Variants in IL1RAPL2 observed in about 807,000 individuals in gnomAD.
IL1RAPL2 encodes the protein X-linked interleukin-1 receptor accessory protein-like 2.
In IL1RAPL2, 3 loss-of-function variants were observed where a neutral mutation model predicts 44.1. The observed-to-expected ratio is 0.07, with a 90% confidence interval of 0.03 to 0.18. IL1RAPL2 has a LOEUF of 0.18. Ranked by LOEUF, IL1RAPL2 falls within the 10% of genes least tolerant of loss-of-function variation. The probability of loss-of-function intolerance (pLI) is 1.00; values close to 1 mark genes in which losing one functional copy is unlikely to be tolerated. For missense variants in IL1RAPL2, 391 were observed against 496.4 expected (o/e 0.79, Z 2.02); for synonymous variants, 181 against 178.8 (o/e 1.01, Z -0.10).
chrX:105,025,667 C>T (rs1398915949), intron 2 of IL1RAPL2, among the ~76,000 whole-genome samples: 1 of 111,228 alleles, frequency 9.0e-6, no homozygotes, highest in East Asian at 2.8e-4. Flanking sequence ...ATGAAAATAA[C>T]ATTGAAAAAC....
chrX:104,964,553 C>T (rs1033550193), intron 2 of IL1RAPL2, among the ~76,000 whole-genome samples: 3 of 109,959 alleles, frequency 2.7e-5, no homozygotes, highest in African/African-American at 9.9e-5. Flanking sequence ...CCTTGTGATC[C>T]ACCCGCCTCA....
intron 2 of IL1RAPL2, among the ~76,000 whole-genome samples, chrX:105,161,218 A>AAATAATAATAATAATAATAATAAT (rs34426902): frequency 4.9e-5 from 5 of 101,029 alleles, no homozygotes; most frequent in South Asian, 4.7e-4. Flanking sequence ...ACCCTGTCTC[A>AAATAATAATAATAATAATAATAAT]AATAATAATA....
At chrX:104,674,661 C>T (rs1930703669) in intron 2 of IL1RAPL2, among the ~76,000 whole-genome samples, 1 of 110,210 alleles carries the variant, frequency 9.1e-6, no homozygotes, top group South Asian at 3.9e-4. Flanking sequence ...GGAATAGTTT[C>T]AGAAGGAATG....
Position 105,440,532 on chromosome X carries a change from G to A in IL1RAPL2, c.698-43781G>A, listed in dbSNP as rs559904119. ...CATTGCTCTGATATGAAATAACTTT[G>A]GAGTTTTGAATGCCTGGCAAAATTT... On this transcript the variant is annotated intron_variant, in intron 5 of 10. Transcript: ENST00000372582. 5.4e-5 allele frequency among the ~76,000 whole-genome samples: 6 copies of A among 111,740 alleles called. No individual in the cohort carries two copies. In the East Asian group the frequency reaches 1.4e-3, roughly 26 times the overall value.
At chrX:104,678,862 C>T (rs1930839310) in intron 2 of IL1RAPL2, among the ~76,000 whole-genome samples, 1 of 111,010 alleles carries the variant, frequency 9.0e-6, no homozygotes, top group African/African-American at 3.3e-5. Flanking sequence ...TTAGGTGAAA[C>T]ACCTAATGTA....
At chrX:105,449,515 C>A (rs947109080) in intron 5 of IL1RAPL2, among the ~76,000 whole-genome samples, 1 of 108,809 alleles carries the variant, frequency 9.2e-6, no homozygotes, top group African/African-American at 3.4e-5. Context: ...ACCCGGGAGG[C>A]GGAGCTTGCA....
At chrX:105,471,603 C>T (rs1343748035) in intron 5 of IL1RAPL2, among the ~76,000 whole-genome samples, 1 of 108,183 alleles carries the variant, frequency 9.2e-6, no homozygotes. Flanking sequence ...CTCCCAAGCT[C>T]TCTGAGATTA....
At chrX:105,679,308 T>C (rs2037902076) in intron 6 of IL1RAPL2, among the ~76,000 whole-genome samples, 2 of 112,053 alleles carry the variant, frequency 1.8e-5, no homozygotes. Context: ...CTCAGAAAGG[T>C]AACCAGGAAT....
At chrX:105,388,896 T>A (rs1305956520) in intron 5 of IL1RAPL2, among the ~76,000 whole-genome samples, 1 of 111,568 alleles carries the variant, frequency 9.0e-6, no homozygotes, top group Non-Finnish European at 1.9e-5. Flanking sequence ...CTTATTAGAG[T>A]CAATTGAGAT....
intron 7 of IL1RAPL2, among the ~76,000 whole-genome samples, chrX:105,723,230 C>A (rs1331072790): frequency 4.5e-5 from 5 of 111,556 alleles, no homozygotes; most frequent in African/African-American, 1.6e-4. Context: ...AAGTTCTTTG[C>A]CACTTTATAA....
intron 1 of IL1RAPL2, among the ~76,000 whole-genome samples, chrX:104,594,076 C>T (rs1928719484): frequency 8.9e-6 from 1 of 112,241 alleles, no homozygotes; most frequent in South Asian, 3.7e-4. Flanking sequence ...TTATAGAAGG[C>T]TTACTTTTGC....
At chrX:104,605,324 TAG>T (rs1928984420) in intron 1 of IL1RAPL2, among the ~76,000 whole-genome samples, 1 of 111,618 alleles carries the variant, frequency 9.0e-6, no homozygotes, top group Non-Finnish European at 1.9e-5. Context: ...AAGAAGTGTG[TAG>T]AGAGAAATTT....
intron 6 of IL1RAPL2, among the ~76,000 whole-genome samples, chrX:105,630,500 C>CTTT (rs369815453): frequency 1.5e-3 from 143 of 92,706 alleles, no homozygotes; most frequent in Middle Eastern, 5.9e-3. Flanking sequence ...AAATTCAGAG[C>CTTT]TTTTTTTTTT....
At chrX:105,378,147 T>G (rs150571119) in intron 5 of IL1RAPL2, among the ~76,000 whole-genome samples, 5,311 of 111,476 alleles carry the variant, frequency 0.048, 150 homozygotes, top group Non-Finnish European at 0.076. Context: ...TGGAAACTAT[T>G]GGATGATAAC....
At chrX:104,608,199 G>A (rs1378771391) in intron 1 of IL1RAPL2, among the ~76,000 whole-genome samples, 2 of 110,362 alleles carry the variant, frequency 1.8e-5, no homozygotes, top group Non-Finnish European at 3.8e-5. Context: ...TGGACACGTG[G>A]AGGGGAACAT....
At chrX:105,447,477 A>G (rs1406611592) in intron 5 of IL1RAPL2, among the ~76,000 whole-genome samples, 1 of 75,638 alleles carries the variant, frequency 1.3e-5, no homozygotes, top group Non-Finnish European at 2.2e-5. Context: ...AAATATAAAT[A>G]AATATAAATA....
intron 2 of IL1RAPL2, among the ~76,000 whole-genome samples, chrX:104,909,820 G>C (rs1409115160): frequency 8.9e-6 from 1 of 112,695 alleles, no homozygotes; most frequent in Non-Finnish European, 1.9e-5. Context: ...CCTGCCCCTA[G>C]AGGTGGAGCC....
intron 8 of IL1RAPL2, among the ~76,000 whole-genome samples, chrX:105,745,930 G>A (rs1385160217): frequency 8.9e-6 from 1 of 111,836 alleles, no homozygotes; most frequent in Non-Finnish European, 1.9e-5. Flanking sequence ...CGACCCTCCT[G>A]CCCCGGCCTC....
At chrX:105,544,161 TTTTG>T (rs2036769088) in intron 6 of IL1RAPL2, among the ~76,000 whole-genome samples, 1 of 112,115 alleles carries the variant, frequency 8.9e-6, no homozygotes, top group Non-Finnish European at 1.9e-5. Context: ...TATTTTATTC[TTTTG>T]ATAATATTAT....
Sources: allele counts gnomAD v4.1 joint callset (sites outside exome capture counted in the v4.1 genomes callset), GRCh38; gene constraint gnomAD v4.1.1; transcripts MANE v1.5; gene names NCBI Gene and HGNC (gene_info 2026-07-23, HGNC 2026-07-21).